The following EXTL3 variants were observed in gnomAD, a reference collection of about 807,000 sequenced individuals.
EXTL3 encodes exostosin-like 3.
A neutral mutation model predicts 69.3 loss-of-function variants in EXTL3; 27 were observed. The observed-to-expected ratio is 0.39, with a 90% CI of 0.29 to 0.54. The LOEUF (loss-of-function observed/expected upper bound fraction) is 0.54. Among genes scored for constraint, EXTL3 ranks in the 20% least tolerant of loss-of-function variants. The pLI, the probability that EXTL3 is intolerant of heterozygous loss-of-function variation, is 0.69. For missense variants in EXTL3, 1,003 were observed against 1,231.8 expected, an observed-to-expected ratio of 0.81 and a Z score of 2.78; for synonymous variants, 511 against 499.4, an observed-to-expected ratio of 1.02 and a Z score of -0.31.
At chr8:28,619,425 CCT>C (rs984879710), upstream of EXTL3, among the ~76,000 whole-genome samples, 2 of 151,698 alleles carry the variant, frequency 1.3e-5, no homozygotes, top group African/African-American at 4.8e-5. Context: ...ATTCGGATTG[CCT>C]CTCTTTTGCG....
At chr8:28,728,156 C>T (rs761367477) in intron 3 of EXTL3, among the ~76,000 whole-genome samples, 33 of 152,142 alleles carry the variant, frequency 2.2e-4, no homozygotes, top group Non-Finnish European at 4.3e-4. Context: ...TACCATATGC[C>T]GTCATTTCCA....
At chr8:28,656,305 T>A (rs577149295) in intron 1 of EXTL3, among the ~76,000 whole-genome samples, 8,723 of 152,072 alleles carry the variant, frequency 0.057, 399 homozygotes, top group African/African-American at 0.13. Context: ...CTTGAGTAGC[T>A]GGGATTACAG....
chr8:28,696,462 TTTTG>T (rs1486194801), intron 1 of EXTL3: 1 of 152,254 alleles, frequency 6.6e-6, no homozygotes, highest in South Asian at 2.1e-4. Context: ...GTCTGGATGC[TTTTG>T]TTTAACATTG....
intron 1 of EXTL3, among the ~76,000 whole-genome samples, chr8:28,662,137 T>C (rs1807126851): frequency 1.3e-5 from 2 of 152,084 alleles, no homozygotes. Flanking sequence ...TACAAAGGAA[T>C]CTCATCGTGT....
At chr8:28,707,808 A>T (rs1800954118) in intron 1 of EXTL3, among the ~76,000 whole-genome samples, 1 of 152,228 alleles carries the variant, frequency 6.6e-6, no homozygotes, top group South Asian at 2.1e-4. Context: ...CTGGTAAAAC[A>T]ATACGATTTG....
At chr8:28,646,625 T>G (rs952092741) in intron 1 of EXTL3, among the ~76,000 whole-genome samples, 4 of 152,194 alleles carry the variant, frequency 2.6e-5, no homozygotes, top group Non-Finnish European at 4.4e-5. Context: ...CCAGTGTAAC[T>G]GCTACGCACA....
At chr8:28,622,619 G>C (rs1221583756), upstream of EXTL3, 1 of 150,386 alleles carries the variant, frequency 6.6e-6, no homozygotes, top group Non-Finnish European at 1.5e-5. Flanking sequence ...GGGGTATTCG[G>C]GGGGCGGAGC....
In EXTL3 at chr8:28,646,747, G is replaced by A. The variant is rs546718958; in HGVS notation, c.-53+23937G>A. Among the ~76,000 whole-genome samples the A allele has an allele frequency of 5.3e-5, 8 of 152,340 alleles. No homozygotes were observed. In the East Asian group the frequency reaches 1.3e-3, roughly 26 times the overall value. ...CCAGCTTAGCTATTTAACTCTGTGA[G>A]CTTGGGGAAGTCAGTTAATTTCTCT... On this transcript the variant is annotated intron_variant, in intron 1 of 6. Transcript: ENST00000523149.
chr8:28,613,567 C>A (rs1175519600), intron 2 of EXTL3, among the ~76,000 whole-genome samples: 1 of 152,178 alleles, frequency 6.6e-6, no homozygotes, highest in Non-Finnish European at 1.5e-5. Context: ...GATATCATTT[C>A]TTCCTTAACC....
At chr8:28,607,916 T>A (rs535806478) in intron 2 of EXTL3, among the ~76,000 whole-genome samples, 2 of 151,336 alleles carry the variant, frequency 1.3e-5, no homozygotes, top group Admixed American at 1.3e-4. Flanking sequence ...ATCGAGACCA[T>A]CCTGGCTAAC....
At chr8:28,736,706 G>A (rs1333664559) in intron 4 of EXTL3, among the ~76,000 whole-genome samples, 1 of 152,174 alleles carries the variant, frequency 6.6e-6, no homozygotes, top group African/African-American at 2.4e-5. Context: ...TTCCTTCTCT[G>A]TAAAAGAAAA....
chr8:28,717,604 C>T lies in EXTL3; in HGVS notation c.1545C>T (p.Leu515=), dbSNP rs750596299. The T allele has an allele frequency of 6.2e-7, 1 of 1,614,244 alleles. No individual in the cohort carries two copies. Among genetic ancestry groups the T allele is most frequent in the Non-Finnish European group, 8.5e-7 (1 of 1,180,046 alleles). Residue 515 remains leucine, a synonymous_variant, in exon 3 of 7, where the codon CTC becomes CTT. Coordinates refer to ENST00000220562, the MANE Select transcript of EXTL3 (RefSeq NM_001440.4). This position sits in a 1 kb window ranked among gnomAD's most constrained non-coding sequence, Gnocchi z 8.3. ...LLAMRRQGRF[L]WETYFSTADS... ...CTATGAGGCGGCAAGGCCGCTTTCT[C>T]TGGGAGACTTACTTCTCCACTGCTG...
At position 28,625,223 on chromosome 8, in the gene EXTL3, C is replaced by T. The variant is rs563493786; in HGVS notation, c.-53+2413C>T. ...GCTCACTCCTAGTGAAAACACTGCA[C>T]ATAGGATCTATAAATGGAGGCTGTG... On this transcript the variant is annotated intron_variant, in intron 1 of 6. Transcript: ENST00000523149. Among the ~76,000 whole-genome samples, 20 of 152,312 alleles carry T rather than the reference C, an allele frequency of 1.3e-4. 1 individual carries two copies. Among genetic ancestry groups the T allele is most frequent in the African/African-American group, 4.6e-4 (19 of 41,586 alleles).
chr8:28,675,116 G>A (rs1051146543), intron 1 of EXTL3, among the ~76,000 whole-genome samples: 1 of 152,162 alleles, frequency 6.6e-6, no homozygotes, highest in African/African-American at 2.4e-5. Flanking sequence ...TGGATACTAT[G>A]AGTGTGGGAT....
chr8:28,641,737 G>A (rs956217138), intron 1 of EXTL3, among the ~76,000 whole-genome samples: 37 of 146,542 alleles, frequency 2.5e-4, no homozygotes, highest in African/African-American at 7.9e-4. Context: ...GACCCCCTCC[G>A]CCGCGTGGCC....
At chr8:28,698,417 T>C (rs1264822654), upstream of EXTL3, 1 of 152,214 alleles carries the variant, frequency 6.6e-6, no homozygotes, top group African/African-American at 2.4e-5. Flanking sequence ...TCTGTGGTGT[T>C]GGACACCTTA....
At chr8:28,739,616 G>A (rs1585293780) in intron 5 of EXTL3, among the ~76,000 whole-genome samples, 1 of 152,090 alleles carries the variant, frequency 6.6e-6, no homozygotes, top group Non-Finnish European at 1.5e-5. Context: ...CAGATGTGAG[G>A]AACCGTGCCT....
At chr8:28,723,948 A>T (rs1801353850) in intron 3 of EXTL3, among the ~76,000 whole-genome samples, 1 of 151,720 alleles carries the variant, frequency 6.6e-6, no homozygotes, top group African/African-American at 2.4e-5. Context: ...ACCAGGTCTT[A>T]GGACTTCTGA....
chr8:28,689,738 G>C (rs1340663281), intron 1 of EXTL3, among the ~76,000 whole-genome samples: 2 of 152,148 alleles, frequency 1.3e-5, no homozygotes, highest in Non-Finnish European at 2.9e-5. Context: ...GCTGGGGTTA[G>C]GGATTCTGTC....
Sources: allele counts gnomAD v4.1 joint callset (sites outside exome capture counted in the v4.1 genomes callset), GRCh38; gene constraint gnomAD v4.1.1; non-coding constraint Gnocchi (gnomAD v3.1); transcripts MANE v1.5; gene names NCBI Gene and HGNC (gene_info 2026-07-23, HGNC 2026-07-21).